Variants in CREBBP observed in about 807,000 individuals in gnomAD.
The protein encoded by CREBBP is CREB binding lysine acetyltransferase.
Under a neutral mutation model 265.0 loss-of-function variants are expected in CREBBP, and 19 were observed. The ratio of observed to expected loss-of-function variants is 0.07; its 90% CI spans 0.05 to 0.11. The LOEUF is 0.11. Ranked by LOEUF, CREBBP falls within the 10% of genes least tolerant of loss-of-function variation. The probability of loss-of-function intolerance (pLI) is 1.00; values close to 1 mark genes in which losing one functional copy is unlikely to be tolerated. For synonymous variants in CREBBP, 1,457 were observed against 1,223.7 expected (o/e 1.19, Z -3.98); for missense variants, 2,525 against 3,219.0 (o/e 0.78, Z 5.22).
intron 2 of CREBBP, among the ~76,000 whole-genome samples, chr16:3,848,590 G>A (rs1368580446): frequency 6.6e-6 from 1 of 152,002 alleles, no homozygotes; most frequent in Non-Finnish European, 1.5e-5. Context: ...AATCTCTTTG[G>A]GGTCCTCAGT....
rs139881645 is a variant in CREBBP, at chr16:3,767,406, C to A, written c.3250+314G>T. 768 of 441,836 alleles carry A rather than the reference C, an allele frequency of 1.7e-3. 4 individuals carry two copies. Among genetic ancestry groups the A allele is most frequent in the African/African-American group, 0.014 (701 of 50,768 alleles). 27.4% of individuals were successfully genotyped at this position (441,836 alleles called of 1,614,324 possible). On this transcript the variant is annotated intron_variant, in intron 16 of 30. Coordinates refer to ENST00000262367, the MANE Select transcript of CREBBP (RefSeq NM_004380.3). ...TTATACTTTTATGAGTAAAGCCAAG[C>A]TCCTTAACCTGCTCAAGGACCCAGA...
chr16:3,821,434 C>T (rs1232593461), intron 2 of CREBBP, among the ~76,000 whole-genome samples: 4 of 152,178 alleles, frequency 2.6e-5, no homozygotes, highest in Non-Finnish European at 5.9e-5. Flanking sequence ...GTCTTCCATC[C>T]CCACTGCCCA....
Position 3,727,392 on chromosome 16 carries a change from C to G in CREBBP, c.*326G>C. The G allele has an allele frequency of 3.4e-6, 1 of 293,530 alleles. No homozygotes were observed. Among genetic ancestry groups the G allele is most frequent in the African/African-American group, 2.2e-5 (1 of 45,574 alleles). 18.2% of individuals were successfully genotyped at this position (293,530 alleles called of 1,614,324 possible). On this transcript the variant is annotated 3_prime_UTR_variant, in exon 31 of 31. Transcript: ENST00000262367. ...ATGAATATAATGAACTTGTTTTTCC[C>G]GTTAAAAAAAGGCATGAGTCACCAG...
chr16:3,794,390 C>T (rs926911861), intron 3 of CREBBP, among the ~76,000 whole-genome samples: 2 of 124,180 alleles, frequency 1.6e-5, no homozygotes, highest in Non-Finnish European at 3.3e-5. Context: ...TGACCAATTG[C>T]AATGTACTAC....
rs2141215541 is a variant in CREBBP at position 3,773,825 on chromosome 16, T to G, written c.2389A>C (p.Asn797His). 1 of 1,613,016 alleles carries G rather than the reference T, an allele frequency of 6.2e-7. No individual in the cohort carries two copies. The highest frequency in any genetic ancestry group is 8.5e-7 in the Non-Finnish European group (1 of 1,180,024). The change falls in exon 13 of 31, where the codon AAC (asparagine) becomes CAC (histidine). Residue 797 changes from asparagine (N) to histidine (H), a missense_variant. By Grantham distance (68) the Asn-to-His change is moderately conservative (BLOSUM62 1). Transcript: ENST00000262367. ...GCCCCGCTGGATGACGGGAACTGGT[T>G]CTGTGGCAGAAACTGGCTCTGAGCG... Reference protein sequence around the residue: ...APAQSQFLPQNQFPSSSGAMS... With the variant: ...APAQSQFLPQHQFPSSSGAMS...
At chr16:3,758,146 G>T (rs2151384550) in intron 17 of CREBBP, 98 bp from the exon 18 acceptor site, 1 of 1,315,198 alleles carries the variant, frequency 7.6e-7, no homozygotes, top group Non-Finnish European at 1.1e-6. Context: ...GAAACAGAAA[G>T]CACCAAAATA....
intron 2 of CREBBP, among the ~76,000 whole-genome samples, chr16:3,819,589 T>C (rs1458872946): frequency 6.6e-6 from 1 of 152,190 alleles, no homozygotes; most frequent in African/African-American, 2.4e-5. Context: ...TGGGACATTT[T>C]CAGAAAAACA....
intron 2 of CREBBP, among the ~76,000 whole-genome samples, chr16:3,826,142 G>T (rs2054232448): frequency 6.6e-6 from 1 of 152,094 alleles, no homozygotes. Flanking sequence ...GTGCCCCAGA[G>T]GCAAAGGCTG....
rs1298214353 is a variant in CREBBP at position 3,879,992 on chromosome 16, T to G, written c.-76A>C. The stretch of plus-strand genomic sequence containing the variant: ...GGGCCCGGACGGGGGTCGGGGGCCC[T>G]GCCGGCTGCGAGGGAGAGGAGCGAG... On this transcript the variant is annotated 5_prime_UTR_variant, in exon 1 of 31. Coordinates refer to ENST00000262367, the MANE Select transcript of CREBBP (RefSeq NM_004380.3). 7.0e-7 allele frequency: 1 copy of G among 1,430,278 alleles called. No individual in the cohort carries two copies. The highest frequency in any genetic ancestry group is 9.5e-7 in the Non-Finnish European group (1 of 1,053,168). 88.6% of individuals were successfully genotyped at this position (1,430,278 alleles called of 1,614,324 possible).
At chr16:3,870,830 G>C (rs914814194) in intron 1 of CREBBP, among the ~76,000 whole-genome samples, 1 of 152,098 alleles carries the variant, frequency 6.6e-6, no homozygotes, top group East Asian at 1.9e-4. Context: ...AGGCACCCTA[G>C]TAGCCCCATG....
chr16:3,852,245 T>C (rs1177979881), intron 1 of CREBBP, among the ~76,000 whole-genome samples: 16 of 130,068 alleles, frequency 1.2e-4, no homozygotes, highest in African/African-American at 4.5e-4. Context: ...CTCGGCTCAC[T>C]GCAAGGTCCG....
chr16:3,745,936 T>C lies in CREBBP; in HGVS notation c.3837-582A>G, dbSNP rs939758812. 3.3e-5 allele frequency among the ~76,000 whole-genome samples: 5 copies of C among 152,336 alleles called. No individual in the cohort carries two copies. In the East Asian group the frequency reaches 9.6e-4, roughly 29 times the overall value. ...GACAAGGGTTTATTCAAGTAAACAC[T>C]GGTGAAGCGAGAGAATGGACCACCC... On this transcript the variant is annotated intron_variant, in intron 21 of 30. Coordinates refer to ENST00000262367, the MANE Select transcript of CREBBP (RefSeq NM_004380.3).
intron 3 of CREBBP, among the ~76,000 whole-genome samples, chr16:3,805,791 G>C (rs1823627473): frequency 6.6e-6 from 1 of 152,286 alleles, no homozygotes; most frequent in Non-Finnish European, 1.5e-5. Flanking sequence ...TGGTGTCAGT[G>C]GACAGTGGCT....
chr16:3,729,973 CAGGAGACCCAGGCAGGAT>C lies in CREBBP; in HGVS notation c.5173-117_5173-100del, dbSNP rs371824314. 15 of 1,540,826 alleles carry C rather than the reference CAGGAGACCCAGGCAGGAT, an allele frequency of 9.7e-6. No homozygotes were observed. In the African/African-American group the frequency reaches 1.2e-4, roughly 13 times the overall value. Reference sequence around the variant, plus strand: ...TCCACCGCTAAGTCTGGGTCTGTGCCAGGAGACCCAGGCAGGATAGGAGACCCAGACAGGATGCGAGCA... The same window carrying C: ...TCCACCGCTAAGTCTGGGTCTGTGCCAGGAGACCCAGACAGGATGCGAGCA... On this transcript the variant is annotated intron_variant, in intron 30 of 30. Coordinates refer to ENST00000262367, the MANE Select transcript of CREBBP (RefSeq NM_004380.3).
At chr16:3,842,416 T>C (rs1938151061) in intron 2 of CREBBP, among the ~76,000 whole-genome samples, 1 of 152,190 alleles carries the variant, frequency 6.6e-6, no homozygotes, top group African/African-American at 2.4e-5. Context: ...CTTTTTTGCT[T>C]TCTTTCTAGA....
intron 3 of CREBBP, among the ~76,000 whole-genome samples, chr16:3,799,476 G>A (rs2053671072): frequency 6.6e-6 from 1 of 152,174 alleles, no homozygotes; most frequent in Non-Finnish European, 1.5e-5. Context: ...AAGTACTCTG[G>A]CAATTCGGTG....
intron 1 of CREBBP, among the ~76,000 whole-genome samples, chr16:3,852,641 G>C (rs191633542): frequency 1.3e-5 from 2 of 152,136 alleles, no homozygotes; most frequent in East Asian, 3.9e-4. Flanking sequence ...ATATGAAAGG[G>C]GTAAATGTCA....
chr16:3,810,638 T>A lies in CREBBP; in HGVS notation c.940A>T (p.Ile314Phe). The A allele has an allele frequency of 6.2e-7, 1 of 1,613,868 alleles. No individual in the cohort carries two copies. The part of the protein sequence containing the change: ...VNSLPTFPTD[I>F]KNTSVTNVPN... Reference sequence around the variant, plus strand: ...ACGTTGGTGACTGAAGTATTCTTGATATCTGTAGGGAAGGTGGGCAAACTG... The same window carrying A: ...ACGTTGGTGACTGAAGTATTCTTGAAATCTGTAGGGAAGGTGGGCAAACTG... Residue 314 changes from isoleucine to phenylalanine, a missense_variant, in exon 3 of 31, where the codon ATC (isoleucine) becomes TTC (phenylalanine). Ile to Phe is a conservative substitution (Grantham distance 21, BLOSUM62 0). This residue lies in a region of CREBBP where 126 missense variants were observed against 171.9 expected (regional missense o/e 0.73). Transcript: ENST00000262367.
chr16:3,822,900 T>C (rs531048805), intron 2 of CREBBP, among the ~76,000 whole-genome samples: 1 of 152,330 alleles, frequency 6.6e-6, no homozygotes, highest in South Asian at 2.1e-4. Flanking sequence ...CTGCAGTCTC[T>C]GTGCCTTGTT....
Sources: gnomAD v4.1 joint callset for allele counts (sites outside exome capture counted in the v4.1 genomes callset) on GRCh38, gnomAD v4.1.1 for gene constraint, gnomAD v4.1.1 regional missense constraint, MANE v1.5 for transcripts, NCBI Gene and HGNC (gene_info 2026-07-23, HGNC 2026-07-21) for gene names.